Variants in EGLN1 observed in about 807,000 individuals in gnomAD.
The protein encoded by EGLN1 is egl-9 family hypoxia inducible factor 1, also known as egl nine homolog 1.
In EGLN1, 17 loss-of-function variants were observed where a neutral mutation model predicts 38.3. The observed-to-expected ratio is 0.44, with a 90% CI of 0.30 to 0.67. The LOEUF (loss-of-function observed/expected upper bound fraction) is 0.67. Among genes scored for constraint, EGLN1 ranks in the 30% least tolerant of loss-of-function variants. The pLI is 0.08. For synonymous variants in EGLN1, 283 were observed against 257.5 expected (o/e 1.10, Z -0.95); for missense variants, 477 against 603.3 (o/e 0.79, Z 2.19).
intron 1 of EGLN1, among the ~76,000 whole-genome samples, chr1:231,384,762 C>T (rs1319217903): frequency 6.6e-6 from 1 of 152,300 alleles, no homozygotes; most frequent in East Asian, 1.9e-4. Context: ...CAGACCACAG[C>T]CCACTGCCTG....
intron 1 of EGLN1, among the ~76,000 whole-genome samples, chr1:231,397,661 C>T (rs988579414): frequency 9.8e-5 from 15 of 152,290 alleles, no homozygotes; most frequent in Admixed American, 7.2e-4. Context: ...ATTGTTAAGG[C>T]TAGAACTGTG....
chr1:231,419,800 T>G (rs989701137), intron 1 of EGLN1, among the ~76,000 whole-genome samples: 2 of 152,252 alleles, frequency 1.3e-5, no homozygotes, highest in African/African-American at 4.8e-5. Context: ...TCACTGCCTA[T>G]GTTCAGTCTT....
At chr1:231,408,552 A>G (rs573516633) in intron 1 of EGLN1, among the ~76,000 whole-genome samples, 1 of 152,270 alleles carries the variant, frequency 6.6e-6, no homozygotes, top group South Asian at 2.1e-4. Flanking sequence ...AAGGGGAAAA[A>G]AAGTGTGTAA....
intron 1 of EGLN1, among the ~76,000 whole-genome samples, chr1:231,382,352 G>GT (rs1173804293): frequency 4.5e-4 from 69 of 152,160 alleles, no homozygotes; most frequent in Non-Finnish European, 2.2e-4. Context: ...GGAGCACTTA[G>GT]TTAACATGCA....
chr1:231,395,369 AAAG>A (rs1688495198), intron 1 of EGLN1, among the ~76,000 whole-genome samples: 1 of 152,212 alleles, frequency 6.6e-6, no homozygotes, highest in Admixed American at 6.5e-5. Context: ...ACCTCGGCCA[AAAG>A]AAGTATCTAA....
intron 3 of EGLN1, among the ~76,000 whole-genome samples, 166 bp from the exon 4 acceptor site, chr1:231,367,802 A>C (rs1687693217): frequency 6.6e-6 from 1 of 152,234 alleles, no homozygotes; most frequent in Admixed American, 6.5e-5. Flanking sequence ...AGGGGAGACT[A>C]AAATTGATGT....
chr1:231,414,033 G>A (rs565713470), intron 1 of EGLN1, among the ~76,000 whole-genome samples: 49 of 152,274 alleles, frequency 3.2e-4, no homozygotes, highest in African/African-American at 8.9e-4. Flanking sequence ...ATAAACTGTT[G>A]TAAGAGAAGA....
intron 1 of EGLN1, among the ~76,000 whole-genome samples, chr1:231,394,766 A>T (rs1229454512): frequency 3.9e-5 from 6 of 152,028 alleles, no homozygotes; most frequent in African/African-American, 1.2e-4. Context: ...ACAAGCAAAA[A>T]CTTCCTCAAC....
intron 1 of EGLN1, among the ~76,000 whole-genome samples, chr1:231,390,497 A>G (rs2749704): frequency 0.54 from 82,508 of 151,704 alleles, 24,027 homozygotes; most frequent in Non-Finnish European, 0.65. Flanking sequence ...AATGCGGCTT[A>G]GAATGGCTAA....
intron 3 of EGLN1, among the ~76,000 whole-genome samples, chr1:231,368,176 G>A (rs1687709011): frequency 6.6e-6 from 1 of 152,140 alleles, no homozygotes; most frequent in Non-Finnish European, 1.5e-5. Flanking sequence ...AGGTGACAGA[G>A]TGAGCCTCCC....
chr1:231,405,986 C>T (rs1688781094), intron 1 of EGLN1, among the ~76,000 whole-genome samples: 1 of 110,992 alleles, frequency 9.0e-6, no homozygotes, highest in Non-Finnish European at 1.8e-5. Context: ...CACCCCCCAC[C>T]CCCACCCAAT....
intron 1 of EGLN1, among the ~76,000 whole-genome samples, chr1:231,380,455 A>C (rs554244573): frequency 8.8e-6 from 1 of 113,590 alleles, no homozygotes; most frequent in East Asian, 2.5e-4. Context: ...TTCTAAGTGT[A>C]AATGATAGGT....
At chr1:231,367,754 T>C (rs1327951529) in intron 3 of EGLN1, 118 bp from the exon 4 acceptor site, 6 of 843,992 alleles carry the variant, frequency 7.1e-6, no homozygotes, top group Non-Finnish European at 7.9e-6. Context: ...TGGAATGATA[T>C]CAAAGGATAA....
intron 1 of EGLN1, among the ~76,000 whole-genome samples, chr1:231,384,058 A>G (rs11122279): frequency 0.55 from 82,794 of 151,892 alleles, 24,180 homozygotes; most frequent in Non-Finnish European, 0.65. Context: ...ACACACTGCT[A>G]ATAGATGAGA....
At position 231,421,427 on chromosome 1, in the gene EGLN1, C is replaced by G; in HGVS notation, c.462G>C (p.Ser154=). Residue 154 remains serine, a synonymous_variant, in exon 1 of 5, where the codon TCG becomes TCC. Transcript: ENST00000366641. This position sits in a 1 kb window ranked among gnomAD's most constrained non-coding sequence, Gnocchi z 5.5. ...ACAGGTTCGCCTTCTCCTGGAACAG[C>G]GATGAGCGGGCCGGCGGCTCCTCCT... The part of the protein sequence containing the change: ...PGKEEPPARS[S]LFQEKANLYP... 6.4e-7 allele frequency: 1 copy of G among 1,562,562 alleles called. No individual in the cohort carries two copies. The highest frequency in any genetic ancestry group is 8.7e-7 in the Non-Finnish European group (1 of 1,151,892).
chr1:231,416,978 A>G (rs1689100169), intron 1 of EGLN1, among the ~76,000 whole-genome samples: 1 of 152,232 alleles, frequency 6.6e-6, no homozygotes, highest in African/African-American at 2.4e-5. Context: ...GAAAAAGGAG[A>G]TAAAGGTGTA....
At position 231,421,710 on chromosome 1, in the gene EGLN1, C is replaced by A. The variant is rs1398859822; in HGVS notation, c.179G>T (p.Gly60Val). The A allele has an allele frequency of 2.6e-6, 4 of 1,522,906 alleles. No individual in the cohort carries two copies. Among genetic ancestry groups the A allele is most frequent in the Non-Finnish European group, 3.5e-6 (4 of 1,141,918 alleles). 94.3% of individuals were successfully genotyped at this position (1,522,906 alleles called of 1,614,324 possible). Residue 60 changes from glycine (G) to valine (V), a missense_variant, in exon 1 of 5, where the codon GGC becomes GTC. Physicochemically the swap from Gly to Val is moderately radical, Grantham distance 109. Around this residue, in one of 4 missense-constraint regions of EGLN1, gnomAD observed 298 missense variants for 288.9 expected, o/e 1.03. Transcript: ENST00000366641. This position sits in a 1 kb window ranked among gnomAD's most constrained non-coding sequence, Gnocchi z 5.5. The part of the protein sequence containing the change: ...DWKKHKLVCQ[G>V]SEGALGHGVG... ...TCCGTGGCCGAGGGCGCCCTCGCTG[C>A]CCTGGCACACGAGCTTGTGCTTCTT...
chr1:231,406,239 G>A lies in EGLN1; in HGVS notation c.891+14759C>T, dbSNP rs1374553940. 4.0e-5 allele frequency among the ~76,000 whole-genome samples: 6 copies of A among 151,822 alleles called. No individual in the cohort carries two copies. In the East Asian group the frequency reaches 5.9e-4, roughly 15 times the overall value. On this transcript the variant is annotated intron_variant, in intron 1 of 4. Transcript: ENST00000366641. ...GGAAAAACAAAAATGCAAAACAAAC[G>A]AGAACAGAGGCAGTGGGAGCAGGGG... is the stretch of plus-strand genomic sequence containing the variant.
chr1:231,391,090 T>G (rs201878369), intron 1 of EGLN1, among the ~76,000 whole-genome samples: 18,302 of 52,372 alleles, frequency 0.35, 4,324 homozygotes, highest in Non-Finnish European at 0.45. Flanking sequence ...TCTGTTTTTT[T>G]TTTGTGTGTG....
Sources: gnomAD v4.1 joint callset for allele counts (sites outside exome capture counted in the v4.1 genomes callset) on GRCh38, gnomAD v4.1.1 for gene constraint, gnomAD v4.1.1 regional missense constraint, Gnocchi (gnomAD v3.1) non-coding constraint, MANE v1.5 for transcripts, NCBI Gene and HGNC (gene_info 2026-07-23, HGNC 2026-07-21) for gene names.